KCTD8: variants seen among roughly 807,000 people sequenced by gnomAD.
The protein encoded by KCTD8 is potassium channel tetramerization domain containing 8.
KCTD8 carries 27 observed loss-of-function variants against 31.5 expected under a neutral mutation model. That is an observed-to-expected ratio of 0.86 (90% CI 0.63 to 1.18). KCTD8 has a LOEUF of 1.18. Ranked by LOEUF, KCTD8 falls within the 50% of genes most tolerant of loss-of-function variation. The probability of loss-of-function intolerance (pLI) is 0.00; values close to 1 mark genes in which losing one functional copy is unlikely to be tolerated. For missense variants in KCTD8, 658 were observed against 647.7 expected, an observed-to-expected ratio of 1.02 and a Z score of -0.17; for synonymous variants, 290 against 280.0, an observed-to-expected ratio of 1.04 and a Z score of -0.36.
chr4:44,283,362 G>A (rs1196503202), intron 1 of KCTD8, among the ~76,000 whole-genome samples: 1 of 152,014 alleles, frequency 6.6e-6, no homozygotes, highest in Non-Finnish European at 1.5e-5. Context: ...GATTTTCAAT[G>A]TGAATAAAAC....
At chr4:44,376,013 TG>T (rs1432456053) in intron 1 of KCTD8, among the ~76,000 whole-genome samples, 1 of 152,132 alleles carries the variant, frequency 6.6e-6, no homozygotes, top group Non-Finnish European at 1.5e-5. Flanking sequence ...AGTGATTATG[TG>T]GTTGGAGTGA....
At chr4:44,319,496 C>T (rs1359332408) in intron 1 of KCTD8, among the ~76,000 whole-genome samples, 2 of 150,326 alleles carry the variant, frequency 1.3e-5, no homozygotes, top group African/African-American at 2.4e-5. Flanking sequence ...GGCAAAAATA[C>T]GGAGTGAGAG....
chr4:44,419,501 T>C (rs936351690), intron 1 of KCTD8, among the ~76,000 whole-genome samples: 7 of 152,262 alleles, frequency 4.6e-5, no homozygotes, highest in East Asian at 3.9e-4. Context: ...ATGGGGTACA[T>C]GTGCCACATT....
chr4:44,277,315 T>G (rs1716778995), intron 1 of KCTD8, among the ~76,000 whole-genome samples: 1 of 151,910 alleles, frequency 6.6e-6, no homozygotes, highest in African/African-American at 2.4e-5. Flanking sequence ...TATATTAGCA[T>G]ATAAAGGACT....
At chr4:44,429,606 T>C (rs1170285182) in intron 1 of KCTD8, among the ~76,000 whole-genome samples, 6 of 151,862 alleles carry the variant, frequency 4.0e-5, no homozygotes, top group African/African-American at 7.2e-5. Context: ...GCTGGGTAGG[T>C]TGATAGTTGG....
chr4:44,335,833 T>C (rs1316143741), intron 1 of KCTD8, among the ~76,000 whole-genome samples: 1 of 152,048 alleles, frequency 6.6e-6, no homozygotes. Context: ...ATTACAACCT[T>C]TTGGGAACCC....
At chr4:44,263,531 A>G (rs1013270712) in intron 1 of KCTD8, among the ~76,000 whole-genome samples, 4 of 152,156 alleles carry the variant, frequency 2.6e-5, no homozygotes, top group Non-Finnish European at 5.9e-5. Context: ...ACAATTTAGT[A>G]TTTTGTTTGA....
chr4:44,195,952 A>T (rs1357044380), intron 1 of KCTD8, among the ~76,000 whole-genome samples: 2 of 152,226 alleles, frequency 1.3e-5, no homozygotes, highest in Non-Finnish European at 2.9e-5. Context: ...AGTTAAAAGT[A>T]AAAAGGTAAA....
At chr4:44,316,591 C>T (rs904086549) in intron 1 of KCTD8, among the ~76,000 whole-genome samples, 6 of 151,824 alleles carry the variant, frequency 4.0e-5, no homozygotes, top group African/African-American at 1.4e-4. Flanking sequence ...GAATATCAAT[C>T]GCAATTTCTA....
intron 1 of KCTD8, among the ~76,000 whole-genome samples, chr4:44,436,213 T>C (rs1379854626): frequency 6.6e-6 from 1 of 152,036 alleles, no homozygotes; most frequent in Non-Finnish European, 1.5e-5. Flanking sequence ...AAGTTGAATA[T>C]AGTCATGGTC....
At position 44,175,154 on chromosome 4, in the gene KCTD8, T is replaced by C. The variant is rs1409428836; in HGVS notation, c.1058A>G (p.Asn353Ser). 1 of 1,613,802 alleles carries C rather than the reference T, an allele frequency of 6.2e-7. No individual in the cohort carries two copies. The highest frequency in any genetic ancestry group is 8.5e-7 in the Non-Finnish European group (1 of 1,179,846). ...DKGSESGTSC[N>S]ELSTSSCDSH... is the part of the protein sequence containing the mutation. ...GTCACAACTGGAAGTGGAGAGCTCA[T>C]TACAGGAAGTCCCACTTTCACTTCC... The change falls in exon 2 of 2, where the codon AAT becomes AGT. Residue 353 changes from asparagine to serine, a missense_variant. Transcript: ENST00000360029.
chr4:44,226,277 T>C (rs1714960057), intron 1 of KCTD8, among the ~76,000 whole-genome samples: 1 of 152,082 alleles, frequency 6.6e-6, no homozygotes, highest in Non-Finnish European at 1.5e-5. Flanking sequence ...CACTTATAAG[T>C]GAGAATATGC....
At chr4:44,231,050 G>T (rs1235411748) in intron 1 of KCTD8, among the ~76,000 whole-genome samples, 1 of 152,128 alleles carries the variant, frequency 6.6e-6, no homozygotes. Context: ...TTCCTCCACT[G>T]GGCAGCAGAG....
At chr4:44,197,113 C>G (rs1713968902) in intron 1 of KCTD8, among the ~76,000 whole-genome samples, 1 of 152,168 alleles carries the variant, frequency 6.6e-6, no homozygotes, top group Non-Finnish European at 1.5e-5. Flanking sequence ...AGATGGCAAA[C>G]TGTGTGACTC....
At chr4:44,276,690 G>T in intron 1 of KCTD8, among the ~76,000 whole-genome samples, 1 of 151,888 alleles carries the variant, frequency 6.6e-6, no homozygotes, top group East Asian at 1.9e-4. Context: ...AGAACTGCAA[G>T]AAGTCATATT....
At position 44,398,312 on chromosome 4, in the gene KCTD8, T is replaced by A. The variant is rs188073537; in HGVS notation, c.961+49251A>T. The stretch of plus-strand genomic sequence containing the variant: ...ATGCCCAGTCATCTGAAAGAGTTCA[T>A]GTGTCCTCTTTAACCCTTGCTACCT... On this transcript the variant is annotated intron_variant, in intron 1 of 1. Coordinates refer to ENST00000360029, the MANE Select transcript of KCTD8 (RefSeq NM_198353.3). Among the ~76,000 whole-genome samples, 50 of 152,346 alleles carry A rather than the reference T, an allele frequency of 3.3e-4. No individual in the cohort carries two copies. The East Asian group carries it at 6.9e-3, about 21-fold the overall frequency.
intron 1 of KCTD8, among the ~76,000 whole-genome samples, chr4:44,191,755 T>A (rs1048899147): frequency 2.0e-5 from 3 of 152,170 alleles, no homozygotes; most frequent in Non-Finnish European, 2.9e-5. Context: ...TTGTTTAAGA[T>A]GTTTATCAAG....
intron 1 of KCTD8, among the ~76,000 whole-genome samples, chr4:44,363,920 T>C (rs934651670): frequency 6.6e-6 from 1 of 152,118 alleles, no homozygotes; most frequent in Non-Finnish European, 1.5e-5. Context: ...ATAGATCTTA[T>C]ACCTTTAACC....
At chr4:44,231,644 G>C (rs992801468) in intron 1 of KCTD8, among the ~76,000 whole-genome samples, 3 of 152,108 alleles carry the variant, frequency 2.0e-5, no homozygotes, top group African/African-American at 7.2e-5. Context: ...ATCTGATTTT[G>C]TATCCCATAT....
Sources: allele counts gnomAD v4.1 joint callset (sites outside exome capture counted in the v4.1 genomes callset), GRCh38; gene constraint gnomAD v4.1.1; transcripts MANE v1.5; gene names NCBI Gene and HGNC (gene_info 2026-07-23, HGNC 2026-07-21).